The following FCHO2 variants were observed in gnomAD, a reference collection of about 807,000 sequenced individuals.
FCHO2 encodes the protein F-BAR domain only protein 2.
FCHO2 carries 43 observed loss-of-function variants against 114.1 expected under a neutral mutation model. The observed-to-expected ratio is 0.38, with a 90% CI of 0.30 to 0.49. The LOEUF (loss-of-function observed/expected upper bound fraction) is 0.49, where lower values mean the gene tolerates loss of function less well. Ranked by LOEUF, FCHO2 falls within the 20% of genes least tolerant of loss-of-function variation. FCHO2 has a pLI of 0.97. For missense variants in FCHO2, 807 were observed against 950.4 expected (o/e 0.85, Z 1.98); for synonymous variants, 293 against 315.2 (o/e 0.93, Z 0.75).
rs111620407 is a variant in FCHO2 at position 73,054,961 on chromosome 5, T to C, written c.1210+412T>C. 9.7e-3 allele frequency: 1,737 copies of C among 179,262 alleles called. 26 individuals carry two copies. Among genetic ancestry groups the C allele is most frequent in the Middle Eastern group, 0.035 (15 of 426 alleles). The allele number at this position is 179,262 out of a possible 1,614,324, so 11.1% of individuals were successfully genotyped here. ...TATACTAAAAATTATACTAAAAACT[T>C]TTCTAAGGTGCTAATACCTTTTGCA... On this transcript the variant is annotated intron_variant, in intron 15 of 25. Transcript: ENST00000430046.
Position 73,006,485 on chromosome 5 carries a change from T to C in FCHO2, c.536T>C (p.Leu179Pro). 6.3e-7 allele frequency: 1 copy of C among 1,577,994 alleles called. No individual in the cohort carries two copies. The change falls in exon 6 of 26, where the codon CTC becomes CCC. Residue 179 changes from leucine (L) to proline (P), a missense_variant. Leu to Pro is a moderately conservative substitution (Grantham distance 98, BLOSUM62 -3). Coordinates refer to ENST00000430046, the MANE Select transcript of FCHO2 (RefSeq NM_138782.3). ...AAGAAAGCTACAGATACCTATAAACTCTATGTGGAAAAATATGCATTAGCA... is the reference window on the plus strand; with the variant it reads ...AAGAAAGCTACAGATACCTATAAACCCTATGTGGAAAAATATGCATTAGCA... ...KSKKATDTYK[L>P]YVEKYALAKA... is the part of the protein sequence containing the mutation.
intron 5 of FCHO2, among the ~76,000 whole-genome samples, chr5:72,993,704 T>C (rs1214929496): frequency 6.6e-6 from 1 of 152,218 alleles, no homozygotes; most frequent in Admixed American, 6.5e-5. Context: ...GCTACAATGC[T>C]TTGATATTTC....
At chr5:73,056,129 T>G in intron 16 of FCHO2, 22 bp downstream of exon 16, 1 of 1,508,442 alleles carries the variant, frequency 6.6e-7, no homozygotes, top group Non-Finnish European at 8.9e-7. Flanking sequence ...TGTTTAATTT[T>G]GTTAAAAAAT....
At position 73,082,759 on chromosome 5, in the gene FCHO2, A is replaced by T; in HGVS notation, c.2181-2A>T. On this transcript the variant is annotated splice_acceptor_variant, in intron 23 of 25. Coordinates refer to ENST00000430046, the MANE Select transcript of FCHO2 (RefSeq NM_138782.3). LOFTEE classifies it high-confidence loss of function. ...ACCTGAAGATATCTGTTCTTATTGC[A>T]GGAATGCAGAACAAATGAAAGCCTT... 1 of 1,602,768 alleles carries T rather than the reference A, an allele frequency of 6.2e-7. No homozygotes were observed. The highest frequency in any genetic ancestry group is 8.5e-7 in the Non-Finnish European group (1 of 1,174,236).
At chr5:72,968,657 A>G in intron 2 of FCHO2, 68 bp downstream of exon 2, 3 of 1,107,268 alleles carry the variant, frequency 2.7e-6, no homozygotes, top group East Asian at 2.9e-5. Context: ...GAATATAAAT[A>G]ATGGAGAAAA....
chr5:72,971,208 A>G (rs1466719122), intron 2 of FCHO2, among the ~76,000 whole-genome samples: 2 of 152,108 alleles, frequency 1.3e-5, no homozygotes, highest in Non-Finnish European at 2.9e-5. Context: ...TCCTTTGGGT[A>G]TATACCCAGT....
intron 19 of FCHO2, among the ~76,000 whole-genome samples, chr5:73,069,505 C>T (rs674980): frequency 0.47 from 71,516 of 151,738 alleles, 18,032 homozygotes; most frequent in Admixed American, 0.61. Context: ...CATAAGAGTG[C>T]GCAACCTAGA....
intron 17 of FCHO2, among the ~76,000 whole-genome samples, chr5:73,059,000 C>G (rs1757726582): frequency 6.6e-6 from 1 of 152,086 alleles, no homozygotes; most frequent in African/African-American, 2.4e-5. Flanking sequence ...TATTGCCAAA[C>G]TGCTTTCTAG....
At chr5:73,077,679 AAACAAAAAACAAG>A (rs2112890142) in intron 21 of FCHO2, among the ~76,000 whole-genome samples, 186 bp downstream of exon 21, 1 of 151,856 alleles carries the variant, frequency 6.6e-6, no homozygotes, top group Non-Finnish European at 1.5e-5. Flanking sequence ...AAAAAACAAA[AAACAAAAAACAAG>A]AACAAAAATT....
intron 8 of FCHO2, among the ~76,000 whole-genome samples, chr5:73,031,559 G>A (rs1756243497): frequency 6.6e-6 from 1 of 152,106 alleles, no homozygotes; most frequent in South Asian, 2.1e-4. Flanking sequence ...TCAGTAAGTT[G>A]CTTTTCTTCT....
chr5:72,959,632 C>G (rs1472967480), intron 1 of FCHO2, among the ~76,000 whole-genome samples: 1 of 152,158 alleles, frequency 6.6e-6, no homozygotes, highest in East Asian at 1.9e-4. Context: ...ATAAAATTGT[C>G]AAAATTCAAA....
chr5:73,054,626 C>A, intron 15 of FCHO2, 77 bp downstream of exon 15: 1 of 1,078,322 alleles, frequency 9.3e-7, no homozygotes, highest in Non-Finnish European at 1.4e-6. Flanking sequence ...TTACCTTTAG[C>A]TGTAGAAATA....
At chr5:73,037,243 C>CT in intron 10 of FCHO2, 28 bp downstream of exon 10, 1 of 1,513,434 alleles carries the variant, frequency 6.6e-7, no homozygotes, top group Non-Finnish European at 8.9e-7. Context: ...CGTCAAAATC[C>CT]TTTTTGTTTT....
chr5:72,970,739 G>A (rs569796816), intron 2 of FCHO2, among the ~76,000 whole-genome samples: 5 of 150,026 alleles, frequency 3.3e-5, no homozygotes, highest in South Asian at 2.1e-4. Context: ...TAGGGTACAC[G>A]TGCACAATGT....
intron 17 of FCHO2, among the ~76,000 whole-genome samples, chr5:73,062,496 G>A (rs1477422234): frequency 1.3e-5 from 2 of 152,014 alleles, no homozygotes; most frequent in Non-Finnish European, 2.9e-5. Flanking sequence ...GTAATACACA[G>A]GGAAGTGTTA....
intron 19 of FCHO2, among the ~76,000 whole-genome samples, chr5:73,070,807 A>G (rs902125258): frequency 3.3e-5 from 5 of 152,108 alleles, no homozygotes; most frequent in South Asian, 2.1e-4. Flanking sequence ...TGATTTTTCA[A>G]CGCTGTGTGG....
At chr5:73,040,964 G>GTAC (rs1335868323) in intron 10 of FCHO2, among the ~76,000 whole-genome samples, 1 of 152,088 alleles carries the variant, frequency 6.6e-6, no homozygotes, top group Admixed American at 6.5e-5. Flanking sequence ...TTCTTGATGT[G>GTAC]TGAGTATATT....
chr5:72,970,473 CT>C lies in FCHO2; in HGVS notation c.125+1896del, dbSNP rs879859330. Among the ~76,000 whole-genome samples the C allele has an allele frequency of 3.5e-3, 509 of 143,876 alleles. 4 individuals are homozygous for C. The East Asian group carries it at 0.043, about 12-fold the overall frequency. The allele number at this position is 143,876 out of a possible 152,430, so 94.4% of individuals were successfully genotyped here. A position where few individuals can be genotyped will look rare whatever the true frequency, so the allele number is the denominator to read the frequency against. On this transcript the variant is annotated intron_variant, in intron 2 of 25. Transcript: ENST00000430046. ...TTCACCTAGTTAATGCCTACTTATT[CT>C]TTTTTTTTTTTATTTAGAACTTTAA...
intron 8 of FCHO2, among the ~76,000 whole-genome samples, chr5:73,024,817 G>A (rs762061285): frequency 6.6e-6 from 1 of 152,122 alleles, no homozygotes; most frequent in African/African-American, 2.4e-5. Context: ...GGGCTGTTGT[G>A]AGATTTACAT....
Sources: gnomAD v4.1 joint callset for allele counts (sites outside exome capture counted in the v4.1 genomes callset) on GRCh38, gnomAD v4.1.1 for gene constraint, MANE v1.5 for transcripts, NCBI Gene and HGNC (gene_info 2026-07-23, HGNC 2026-07-21) for gene names.